The following STARD3NL variants were observed in gnomAD, a reference collection of about 807,000 sequenced individuals.
STARD3NL encodes the protein STARD3 N-terminal like, also known as STARD3 N-terminal-like protein.
A neutral mutation model predicts 30.9 loss-of-function variants in STARD3NL; 17 were observed. The observed-to-expected ratio is 0.55, with a 90% CI of 0.38 to 0.82. The LOEUF (loss-of-function observed/expected upper bound fraction) is 0.82, where lower values mean the gene tolerates loss of function less well. Among genes scored for constraint, STARD3NL ranks in the 40% least tolerant of loss-of-function variants. STARD3NL has a pLI of 0.00. For synonymous variants in STARD3NL, 112 were observed against 100.5 expected (o/e 1.11, Z -0.69); for missense variants, 234 against 277.6 (o/e 0.84, Z 1.12).
At chr7:38,224,077 A>G (rs1786618228) in intron 7 of STARD3NL, among the ~76,000 whole-genome samples, 1 of 151,942 alleles carries the variant, frequency 6.6e-6, no homozygotes, top group Non-Finnish European at 1.5e-5. Context: ...TTTTGCATCC[A>G]GCCTCTTGCT....
intron 2 of STARD3NL, among the ~76,000 whole-genome samples, chr7:38,213,691 C>G (rs1019103290): frequency 6.6e-6 from 1 of 152,172 alleles, no homozygotes; most frequent in Non-Finnish European, 1.5e-5. Flanking sequence ...TCCATAGTTT[C>G]ATTTGTCGAA....
chr7:38,203,680 T>C (rs1583800157), intron 1 of STARD3NL, among the ~76,000 whole-genome samples: 1 of 152,274 alleles, frequency 6.6e-6, no homozygotes, highest in Middle Eastern at 3.4e-3. Context: ...AGACACAGAC[T>C]GGCAAATTGG....
chr7:38,182,283 C>T (rs924565400), intron 1 of STARD3NL, among the ~76,000 whole-genome samples: 1 of 152,176 alleles, frequency 6.6e-6, no homozygotes, highest in Non-Finnish European at 1.5e-5. Context: ...AGTTAAGGGT[C>T]TGCCTTCTGC....
At chr7:38,228,588 G>C (rs1445082772) in intron 7 of STARD3NL, among the ~76,000 whole-genome samples, 1 of 152,204 alleles carries the variant, frequency 6.6e-6, no homozygotes, top group Non-Finnish European at 1.5e-5. Flanking sequence ...TGACAGATTA[G>C]TGTAAGTGAT....
At chr7:38,192,529 G>T (rs1464461572) in intron 1 of STARD3NL, among the ~76,000 whole-genome samples, 1 of 152,150 alleles carries the variant, frequency 6.6e-6, no homozygotes, top group Non-Finnish European at 1.5e-5. Flanking sequence ...GCAAGCAGAG[G>T]TTTGTGAGAA....
chr7:38,183,152 C>T (rs997709856), intron 1 of STARD3NL, among the ~76,000 whole-genome samples: 7 of 152,110 alleles, frequency 4.6e-5, no homozygotes, highest in South Asian at 2.1e-4. Flanking sequence ...ACACAGAGGA[C>T]GTTAGACTTT....
chr7:38,224,623 C>T (rs955179715), intron 7 of STARD3NL, among the ~76,000 whole-genome samples: 3 of 152,220 alleles, frequency 2.0e-5, no homozygotes, highest in African/African-American at 7.2e-5. Flanking sequence ...AGCAGATCCA[C>T]ACTGTATGCA....
chr7:38,179,503 CCTTA>C (rs1187725327), intron 1 of STARD3NL, among the ~76,000 whole-genome samples: 1 of 152,166 alleles, frequency 6.6e-6, no homozygotes, highest in Non-Finnish European at 1.5e-5. Flanking sequence ...AGGGATATTA[CCTTA>C]CTTATGTTCA....
intron 2 of STARD3NL, among the ~76,000 whole-genome samples, chr7:38,212,056 G>T (rs1017786395): frequency 6.6e-6 from 1 of 152,146 alleles, no homozygotes; most frequent in African/African-American, 2.4e-5. Context: ...CTCCTGGCTG[G>T]TCGCCTGCTT....
At chr7:38,185,205 T>C (rs1382723666) in intron 1 of STARD3NL, among the ~76,000 whole-genome samples, 2 of 152,208 alleles carry the variant, frequency 1.3e-5, no homozygotes, top group Non-Finnish European at 2.9e-5. Flanking sequence ...ATTTTCTTTA[T>C]GACTGCCTAA....
At chr7:38,189,076 C>A (rs1784577322) in intron 1 of STARD3NL, among the ~76,000 whole-genome samples, 1 of 152,006 alleles carries the variant, frequency 6.6e-6, no homozygotes. Context: ...TTGAATGAGA[C>A]AAGACTACAA....
rs1220345139 is a variant in STARD3NL at position 38,217,232 on chromosome 7, A to C, written c.480A>C (p.Ser160=). The C allele has an allele frequency of 1.2e-6, 2 of 1,613,860 alleles. No homozygotes were observed. Among genetic ancestry groups the C allele is most frequent in the Non-Finnish European group, 1.7e-6 (2 of 1,179,954 alleles). The change falls in exon 6 of 9, where the codon TCA becomes TCC. Residue 160 remains serine, a synonymous_variant. Transcript: ENST00000009041. ...GAFGYVLPII[S]FILAWIETWF... Reference sequence around the variant, plus strand: ...TTGGCTATGTGCTGCCCATCATTTCATTCATCCTTGCCTGGATTGAGACGT... The same window carrying C: ...TTGGCTATGTGCTGCCCATCATTTCCTTCATCCTTGCCTGGATTGAGACGT...
At chr7:38,228,366 G>A (rs901488584) in intron 7 of STARD3NL, among the ~76,000 whole-genome samples, 1 of 152,178 alleles carries the variant, frequency 6.6e-6, no homozygotes, top group African/African-American at 2.4e-5. Context: ...CCAGACTGTG[G>A]TCACTGCCAC....
intron 2 of STARD3NL, among the ~76,000 whole-genome samples, chr7:38,211,347 G>T (rs987757943): frequency 6.7e-6 from 1 of 148,398 alleles, no homozygotes; most frequent in African/African-American, 2.6e-5. Context: ...AAGATGGGAG[G>T]ATGATCTGGG....
Position 38,228,878 on chromosome 7 carries a change from G to A in STARD3NL, c.*17+7G>A. On this transcript the variant is annotated splice_region_variant and intron_variant, in intron 8 of 8. Coordinates refer to ENST00000009041, the MANE Select transcript of STARD3NL (RefSeq NM_032016.4). ...GAGTACTACTTTTGTTAAAGTAAGT[G>A]TTTGAAATGAAACCATAACAACAAA... 6.3e-7 allele frequency: 1 copy of A among 1,597,848 alleles called. No individual in the cohort carries two copies. The highest frequency in any genetic ancestry group is 8.6e-7 in the Non-Finnish European group (1 of 1,167,574).
intron 1 of STARD3NL, chr7:38,179,177 A>G (rs1784145585): frequency 6.6e-6 from 1 of 152,234 alleles, no homozygotes; most frequent in African/African-American, 2.4e-5. Flanking sequence ...TTAAATCTTT[A>G]CTGGAATTAG....
At chr7:38,219,272 C>A (rs1347302730) in intron 6 of STARD3NL, among the ~76,000 whole-genome samples, 1 of 152,050 alleles carries the variant, frequency 6.6e-6, no homozygotes, top group Non-Finnish European at 1.5e-5. Flanking sequence ...GTCTCAAACT[C>A]CTGGGCTCAA....
At chr7:38,183,517 C>T (rs1784329364) in intron 1 of STARD3NL, among the ~76,000 whole-genome samples, 1 of 152,146 alleles carries the variant, frequency 6.6e-6, no homozygotes, top group South Asian at 2.1e-4. Flanking sequence ...GGTTCCTACT[C>T]ATGTAGTGAT....
intron 1 of STARD3NL, among the ~76,000 whole-genome samples, chr7:38,196,633 C>T (rs1784908763): frequency 6.6e-6 from 1 of 152,078 alleles, no homozygotes; most frequent in Non-Finnish European, 1.5e-5. Flanking sequence ...TTCTTTGACT[C>T]CAAAAATATT....
Sources: gnomAD v4.1 joint callset for allele counts (sites outside exome capture counted in the v4.1 genomes callset) on GRCh38, gnomAD v4.1.1 for gene constraint, MANE v1.5 for transcripts, NCBI Gene and HGNC (gene_info 2026-07-23, HGNC 2026-07-21) for gene names.